RPH3AL: variants seen among roughly 807,000 people sequenced by gnomAD.
RPH3AL encodes rab effector Noc2.
RPH3AL carries 38 observed loss-of-function variants against 43.1 expected under a neutral mutation model. The observed-to-expected ratio is 0.88, with a 90% confidence interval of 0.68 to 1.15. The LOEUF (loss-of-function observed/expected upper bound fraction) is 1.15. RPH3AL is among the 50% of genes most tolerant of loss of function. The pLI, the probability that RPH3AL is intolerant of heterozygous loss-of-function variation, is 0.00. For synonymous variants in RPH3AL, 189 were observed against 176.3 expected, an observed-to-expected ratio of 1.07 and a Z score of -0.57; for missense variants, 462 against 423.2, an observed-to-expected ratio of 1.09 and a Z score of -0.81.
At chr17:286,673 C>G (rs71369980) in intron 5 of RPH3AL, among the ~76,000 whole-genome samples, 66,757 of 152,072 alleles carry the variant, frequency 0.44, 16,502 homozygotes, top group Non-Finnish European at 0.55. Flanking sequence ...GGTGCAAACA[C>G]AGCCCTTCAC....
chr17:295,520 A>C (rs368109889), intron 5 of RPH3AL, among the ~76,000 whole-genome samples: 107 of 46,818 alleles, frequency 2.3e-3, no homozygotes, highest in South Asian at 5.6e-3. Context: ...CAGAAATGGA[A>C]AGCAGAGGGA....
chr17:342,312 G>A (rs2045140857), intron 1 of RPH3AL, among the ~76,000 whole-genome samples: 1 of 152,192 alleles, frequency 6.6e-6, no homozygotes, highest in Non-Finnish European at 1.5e-5. Context: ...TCCTCAACAA[G>A]TTAACACACA....
At chr17:217,280 C>A (rs878986688) in intron 8 of RPH3AL, among the ~76,000 whole-genome samples, 1 of 118,442 alleles carries the variant, frequency 8.4e-6, no homozygotes, top group Non-Finnish European at 1.9e-5. Flanking sequence ...AAATTGGCCT[C>A]GCTGAAATCA....
In RPH3AL at chr17:328,047, C is replaced by A. The variant is rs1280696765; in HGVS notation, c.-36-468G>T. Among the ~76,000 whole-genome samples the A allele has an allele frequency of 6.9e-6, 1 of 145,244 alleles. No homozygotes were observed. Among genetic ancestry groups the A allele is most frequent in the Non-Finnish European group, 1.5e-5 (1 of 68,016 alleles). On this transcript the variant is annotated intron_variant, in intron 2 of 9. Coordinates refer to ENST00000331302, the MANE Select transcript of RPH3AL (RefSeq NM_006987.4). This position sits in a 1 kb window ranked among gnomAD's most constrained non-coding sequence, Gnocchi z 4.2. ...TCCCAAACCTGGGGACCTGGCTCTCCTTCCCAACAGACTCACACCGATGAT... is the reference window on the plus strand; with the variant it reads ...TCCCAAACCTGGGGACCTGGCTCTCATTCCCAACAGACTCACACCGATGAT...
At chr17:286,181 C>T (rs1361978536) in intron 5 of RPH3AL, among the ~76,000 whole-genome samples, 3 of 152,214 alleles carry the variant, frequency 2.0e-5, no homozygotes, top group Non-Finnish European at 4.4e-5. Flanking sequence ...CTGTCCTCTA[C>T]TCACAGACCA....
At chr17:262,227 G>T (rs561332163) in intron 6 of RPH3AL, among the ~76,000 whole-genome samples, 7 of 149,126 alleles carry the variant, frequency 4.7e-5, no homozygotes, top group South Asian at 4.3e-4. Context: ...CATGTTTACA[G>T]TTTTTTTTTT....
chr17:313,703 G>A (rs1024864409), intron 5 of RPH3AL, among the ~76,000 whole-genome samples: 6 of 152,208 alleles, frequency 3.9e-5, no homozygotes, highest in Admixed American at 2.0e-4. Flanking sequence ...CCACAACAGG[G>A]TGGACTGTGT....
chr17:311,393 C>T (rs1487161382), intron 5 of RPH3AL, among the ~76,000 whole-genome samples: 1 of 152,190 alleles, frequency 6.6e-6, no homozygotes, highest in African/African-American at 2.4e-5. Flanking sequence ...GTGGTCTTCC[C>T]CTCCCCGGAT....
chr17:318,156 G>A (rs2044352094), intron 5 of RPH3AL, among the ~76,000 whole-genome samples: 1 of 152,102 alleles, frequency 6.6e-6, no homozygotes, highest in African/African-American at 2.4e-5. Context: ...GCCGAGGCAG[G>A]CGGATCACCT....
intron 3 of RPH3AL, among the ~76,000 whole-genome samples, chr17:325,634 G>A (rs187695966): frequency 2.4e-4 from 37 of 152,210 alleles, no homozygotes; most frequent in African/African-American, 5.3e-4. Context: ...CGTCCCCACC[G>A]CCTGTTATCA....
intron 5 of RPH3AL, among the ~76,000 whole-genome samples, chr17:315,059 C>G (rs1237161025): frequency 6.8e-6 from 1 of 146,848 alleles, no homozygotes; most frequent in African/African-American, 2.5e-5. Flanking sequence ...CTCCACTGAA[C>G]TGTAGTCCCT....
intron 7 of RPH3AL, among the ~76,000 whole-genome samples, chr17:228,289 C>T (rs963888363): frequency 3.9e-5 from 6 of 152,292 alleles, no homozygotes; most frequent in East Asian, 1.9e-4. Flanking sequence ...ACAATCCTCC[C>T]GCCTCGGTCT....
chr17:219,767 C>T (rs760303402), intron 7 of RPH3AL, 31 bp from the exon 8 acceptor site: 1 of 1,545,420 alleles, frequency 6.5e-7, no homozygotes, highest in Non-Finnish European at 8.9e-7. Flanking sequence ...CACAGGAGGT[C>T]ACCCGACCAG....
intron 6 of RPH3AL, among the ~76,000 whole-genome samples, chr17:268,461 T>G (rs1177413991): frequency 2.6e-5 from 4 of 152,092 alleles, no homozygotes; most frequent in African/African-American, 9.7e-5. Context: ...TAACTGAATG[T>G]TTTTTATTGG....
chr17:316,718 G>GA (rs1381330189), intron 5 of RPH3AL, among the ~76,000 whole-genome samples: 2 of 145,896 alleles, frequency 1.4e-5, no homozygotes, highest in South Asian at 2.2e-4. Flanking sequence ...TAGTCTCTGT[G>GA]CCCCACCTCC....
chr17:336,424 G>A (rs1055521067), intron 1 of RPH3AL, among the ~76,000 whole-genome samples: 10 of 152,146 alleles, frequency 6.6e-5, no homozygotes, highest in Admixed American at 3.9e-4. Flanking sequence ...CAGGAGCCCC[G>A]GGGAAACCAG....
chr17:314,809 G>C (rs79922650), intron 5 of RPH3AL, among the ~76,000 whole-genome samples: 234 of 1,842 alleles, frequency 0.13, 23 homozygotes, highest in African/African-American at 0.2. Flanking sequence ...TGTACTCCAC[G>C]TCCATTGACC....
chr17:281,875 G>GGTT, intron 5 of RPH3AL, 21 bp from the exon 6 acceptor site: 1 of 1,601,242 alleles, frequency 6.2e-7, no homozygotes, highest in Non-Finnish European at 8.6e-7. Context: ...GAGGACATGG[G>GGTT]GTTGTAAAGA....
Position 321,350 on chromosome 17 carries a change from C to T in RPH3AL, c.143G>A (p.Ser48Asn), listed in dbSNP as rs1171078829. The part of the protein sequence containing the change: ...TEKQRRKQHL[S>N]PAEVEAILQV... ...CAGGATGGCCTCCACCTCCGCCGGG[C>T]TGAGGTGCTGCTTCCTCCTCTGCTT... Residue 48 changes from serine to asparagine, a missense_variant, in exon 4 of 10, where the codon AGC becomes AAC. Physicochemically the swap from Ser to Asn is conservative, Grantham distance 46. Transcript: ENST00000331302. The T allele has an allele frequency of 1.2e-6, 2 of 1,611,772 alleles. No homozygotes were observed.
Sources: allele counts gnomAD v4.1 joint callset (sites outside exome capture counted in the v4.1 genomes callset), GRCh38; gene constraint gnomAD v4.1.1; non-coding constraint Gnocchi (gnomAD v3.1); transcripts MANE v1.5; gene names NCBI Gene and HGNC (gene_info 2026-07-23, HGNC 2026-07-21).